Variants in KANSL1 observed in about 807,000 individuals in gnomAD.
The protein encoded by KANSL1 is KAT8 regulatory NSL complex subunit 1.
Under a neutral mutation model 103.6 loss-of-function variants are expected in KANSL1, and 22 were observed. That is an observed-to-expected ratio of 0.21 (90% CI 0.15 to 0.30). The LOEUF (loss-of-function observed/expected upper bound fraction) is 0.30. Among genes scored for constraint, KANSL1 ranks in the 10% least tolerant of loss-of-function variants. The pLI is 1.00. For missense variants in KANSL1, 1,337 were observed against 1,399.8 expected, an observed-to-expected ratio of 0.96 and a Z score of 0.72; for synonymous variants, 600 against 527.6, an observed-to-expected ratio of 1.14 and a Z score of -1.88.
chr17:46,106,073 T>C (rs1286816517), intron 2 of KANSL1, among the ~76,000 whole-genome samples: 5 of 152,214 alleles, frequency 3.3e-5, no homozygotes, highest in Admixed American at 6.5e-5. Flanking sequence ...TCTAGAAGAA[T>C]GAGAGAATTT....
chr17:46,201,649 A>G (rs529701776), intron 1 of KANSL1, among the ~76,000 whole-genome samples: 1 of 115,426 alleles, frequency 8.7e-6, no homozygotes, highest in African/African-American at 2.6e-5. Flanking sequence ...AGATGGGAGG[A>G]TCATTTGAGC....
chr17:46,170,859 G>A lies in KANSL1; in HGVS notation c.1285C>T (p.Pro429Ser). 2 of 1,602,266 alleles carry A rather than the reference G, an allele frequency of 1.2e-6. No individual in the cohort carries two copies. The highest frequency in any genetic ancestry group is 8.5e-7 in the Non-Finnish European group (1 of 1,173,926). Reference protein sequence around the residue: ...TRADPEQRHVPLRRRSEWKWA... With the variant: ...TRADPEQRHVSLRRRSEWKWA... Reference sequence around the variant, plus strand: ...TCATGCATGAGGTCTACTCACAGGGGTACATGACGCTGCTCGGGATCAGCT... The same window carrying A: ...TCATGCATGAGGTCTACTCACAGGGATACATGACGCTGCTCGGGATCAGCT... Residue 429 changes from proline to serine, a missense_variant, in exon 2 of 15, where the codon CCC becomes TCC. Pro to Ser is a moderately conservative substitution (Grantham distance 74). This residue lies in a region of KANSL1 where 780 missense variants were observed against 923.4 expected (regional missense o/e 0.84). Coordinates refer to ENST00000432791, the MANE Select transcript of KANSL1 (RefSeq NM_015443.4).
At chr17:46,093,326 T>A (rs1157941538) in intron 3 of KANSL1, 1 of 152,642 alleles carries the variant, frequency 6.6e-6, no homozygotes, top group Non-Finnish European at 1.5e-5. Flanking sequence ...AAATCTAGAA[T>A]GTTTATTAGT....
chr17:46,159,925 T>C (rs979781343), intron 2 of KANSL1, among the ~76,000 whole-genome samples: 1 of 152,228 alleles, frequency 6.6e-6, no homozygotes, highest in Non-Finnish European at 1.5e-5. Context: ...ACCCACGTAC[T>C]GTGTGGTCAG....
rs139535766 is a variant in KANSL1 at position 46,209,996 on chromosome 17, C to T, written c.-90+13675G>A. The stretch of plus-strand genomic sequence containing the variant: ...CTGAACCAAAACGAACAAAAAAATG[C>T]TGTCATCAAAGTAACTTCCATCTAC... On this transcript the variant is annotated intron_variant, in intron 1 of 14. Transcript: ENST00000572904. 3.6e-3 allele frequency among the ~76,000 whole-genome samples: 545 copies of T among 152,286 alleles called. 2 individuals carry two copies. The highest frequency in any genetic ancestry group is 0.024 in the Middle Eastern group (7 of 294).
At chr17:46,144,619 C>T (rs1367502587) in intron 2 of KANSL1, among the ~76,000 whole-genome samples, 1 of 151,972 alleles carries the variant, frequency 6.6e-6, no homozygotes, top group Non-Finnish European at 1.5e-5. Flanking sequence ...GGGGGTACCA[C>T]GTGGAAATTA....
intron 7 of KANSL1, chr17:46,045,630 A>C (rs2146430072): frequency 6.6e-6 from 1 of 152,288 alleles, no homozygotes; most frequent in Non-Finnish European, 1.5e-5. Flanking sequence ...CTTTCTTTCC[A>C]TTCCCCCTCA....
chr17:46,103,568 A>G (rs187027052), intron 2 of KANSL1, among the ~76,000 whole-genome samples: 8 of 152,310 alleles, frequency 5.3e-5, no homozygotes, highest in Admixed American at 3.9e-4. Flanking sequence ...GATCCACACA[A>G]TTCATTTACT....
At chr17:46,143,179 A>T (rs1467763107) in intron 2 of KANSL1, among the ~76,000 whole-genome samples, 1 of 152,286 alleles carries the variant, frequency 6.6e-6, no homozygotes, top group Non-Finnish European at 1.5e-5. Flanking sequence ...ATAAAGGGAA[A>T]AGCAGAAGTC....
At chr17:46,218,126 G>A (rs116023193) in intron 1 of KANSL1, among the ~76,000 whole-genome samples, 2,423 of 152,332 alleles carry the variant, frequency 0.016, 68 homozygotes, top group African/African-American at 0.052. Context: ...TCCTGTCCCA[G>A]TTGCTTCAGA....
chr17:46,191,243 G>A (rs951182481), intron 1 of KANSL1, among the ~76,000 whole-genome samples: 4 of 152,176 alleles, frequency 2.6e-5, no homozygotes, highest in Admixed American at 1.3e-4. Context: ...GATCAACACC[G>A]AAATGCTAAT....
intron 1 of KANSL1, among the ~76,000 whole-genome samples, chr17:46,184,344 T>G (rs1006136625): frequency 1.3e-5 from 2 of 152,228 alleles, no homozygotes; most frequent in Non-Finnish European, 2.9e-5. Context: ...AACCTCATTA[T>G]GTACTATAGT....
chr17:46,213,286 T>G (rs1466869041), intron 1 of KANSL1, among the ~76,000 whole-genome samples: 1 of 150,762 alleles, frequency 6.6e-6, no homozygotes, highest in Non-Finnish European at 1.5e-5. Flanking sequence ...TTTTATTTGT[T>G]TTTTGTTGTT....
intron 2 of KANSL1, among the ~76,000 whole-genome samples, chr17:46,108,854 T>C (rs1172620991): frequency 6.6e-6 from 1 of 152,004 alleles, no homozygotes; most frequent in Non-Finnish European, 1.5e-5. Context: ...TGAAAGCGAG[T>C]CAAGCAATTA....
At position 46,059,958 on chromosome 17, in the gene KANSL1, AAAC is replaced by A. The variant is rs368700925; in HGVS notation, c.1848+6576_1848+6578del. Among the ~76,000 whole-genome samples, 99 of 152,246 alleles carry A rather than the reference AAAC, an allele frequency of 6.5e-4. 1 individual carries two copies. Among genetic ancestry groups the A allele is most frequent in the African/African-American group, 2.2e-3 (93 of 41,544 alleles). ...GGGGGAGGGGAGGGGGACAAAAAAC[AAAC>A]AACAACAACAAAAAATCAGCCTGTG... On this transcript the variant is annotated intron_variant, in intron 6 of 14. Transcript: ENST00000432791.
chr17:46,077,019 T>C (rs1453867831), intron 4 of KANSL1, among the ~76,000 whole-genome samples: 1 of 152,206 alleles, frequency 6.6e-6, no homozygotes, highest in Admixed American at 6.5e-5. Flanking sequence ...AATTGCTTTT[T>C]TCTTGCAATA....
chr17:46,173,571 C>T (rs2046385385), intron 1 of KANSL1, among the ~76,000 whole-genome samples: 2 of 152,146 alleles, frequency 1.3e-5, no homozygotes, highest in African/African-American at 4.8e-5. Flanking sequence ...TTTGGAGGTT[C>T]GTGAAATCAA....
At chr17:46,052,880 G>A (rs1365870761) in intron 6 of KANSL1, among the ~76,000 whole-genome samples, 4 of 139,228 alleles carry the variant, frequency 2.9e-5, no homozygotes, top group African/African-American at 5.4e-5. Flanking sequence ...GAGAAGAATC[G>A]CTTAAGCCCA....
At chr17:46,117,223 A>G (rs566977097) in intron 2 of KANSL1, among the ~76,000 whole-genome samples, 59 of 152,312 alleles carry the variant, frequency 3.9e-4, no homozygotes, top group African/African-American at 1.3e-3. Context: ...TCATGTTAAG[A>G]GATATTATAA....
Sources: allele counts gnomAD v4.1 joint callset (sites outside exome capture counted in the v4.1 genomes callset), GRCh38; gene constraint gnomAD v4.1.1; regional missense constraint gnomAD v4.1.1; transcripts MANE v1.5; gene names NCBI Gene and HGNC (gene_info 2026-07-23, HGNC 2026-07-21).